Variants in RPS6KA2 observed in about 807,000 individuals in gnomAD.
The protein encoded by RPS6KA2 is ribosomal protein S6 kinase alpha-2.
Under a neutral mutation model 91.8 loss-of-function variants are expected in RPS6KA2, and 42 were observed. That is an observed-to-expected ratio of 0.46 (90% confidence interval 0.36 to 0.59). The LOEUF is 0.59. Among genes scored for constraint, RPS6KA2 ranks in the 20% least tolerant of loss-of-function variants. RPS6KA2 has a pLI of 0.00. For synonymous variants in RPS6KA2, 414 were observed against 393.6 expected, an observed-to-expected ratio of 1.05 and a Z score of -0.61; for missense variants, 798 against 978.5, an observed-to-expected ratio of 0.82 and a Z score of 2.46.
intron 16 of RPS6KA2, among the ~76,000 whole-genome samples, chr6:166,427,686 T>C (rs919802984): frequency 2.0e-5 from 3 of 152,092 alleles, no homozygotes; most frequent in African/African-American, 4.8e-5. Flanking sequence ...AAATCATGAG[T>C]GAACTCCCAT....
intron 2 of RPS6KA2, among the ~76,000 whole-genome samples, chr6:166,754,735 C>T (rs955955144): frequency 5.3e-5 from 8 of 152,160 alleles, no homozygotes; most frequent in Non-Finnish European, 8.8e-5. Context: ...GCATCAGATG[C>T]GGAAAATGAC....
chr6:166,757,624 C>T (rs1157771453), intron 2 of RPS6KA2: 1 of 455,892 alleles, frequency 2.2e-6, no homozygotes, highest in African/African-American at 2.0e-5. Context: ...TGCCGTCCAG[C>T]CATTCTGCCA....
chr6:166,513,638 G>C (rs1292853120), intron 3 of RPS6KA2, among the ~76,000 whole-genome samples: 1 of 152,210 alleles, frequency 6.6e-6, no homozygotes, highest in East Asian at 1.9e-4. Context: ...GTCCTCACTG[G>C]ACACAGGGGC....
Position 166,494,899 on chromosome 6 carries a change from G to A in RPS6KA2, c.747+3609C>T, listed in dbSNP as rs976795071. Among the ~76,000 whole-genome samples, 9 of 152,156 alleles carry A rather than the reference G, an allele frequency of 5.9e-5. No individual in the cohort carries two copies. The highest frequency in any genetic ancestry group is 1.2e-4 in the Non-Finnish European group (8 of 68,034). ...AAACAAGGCCCCTCACACGCACAACGGCTCTGCACCGATCCGCTTACAAGG... is the reference window on the plus strand; with the variant it reads ...AAACAAGGCCCCTCACACGCACAACAGCTCTGCACCGATCCGCTTACAAGG... On this transcript the variant is annotated intron_variant, in intron 8 of 20. Transcript: ENST00000265678. The surrounding 1 kb of genome is among the most constrained non-coding windows in gnomAD (Gnocchi z 5.1).
chr6:166,476,220 G>T (rs985089297), intron 10 of RPS6KA2, among the ~76,000 whole-genome samples: 2 of 152,196 alleles, frequency 1.3e-5, no homozygotes. Flanking sequence ...GGCCAGCAAA[G>T]CCCCGGGGTC....
rs187904332 is a variant in RPS6KA2, at chr6:166,563,784, T to C, written c.100-25000A>G. 6.6e-6 allele frequency among the ~76,000 whole-genome samples: 1 copy of C among 152,366 alleles called. No homozygotes were observed. Among genetic ancestry groups the C allele is most frequent in the East Asian group, 1.9e-4 (1 of 5,184 alleles). Reference sequence around the variant, plus strand: ...CCTTTAGGGTATTGTTTGTAAGATGTATATGATTTTCATATCTATATCAGT... The same window carrying C: ...CCTTTAGGGTATTGTTTGTAAGATGCATATGATTTTCATATCTATATCAGT... On this transcript the variant is annotated intron_variant, in intron 1 of 20. Transcript: ENST00000265678. This position sits in a 1 kb window ranked among gnomAD's most constrained non-coding sequence, Gnocchi z 4.1.
intron 1 of RPS6KA2, among the ~76,000 whole-genome samples, chr6:166,592,611 C>T (rs557859305): frequency 2.2e-4 from 34 of 151,178 alleles, no homozygotes; most frequent in African/African-American, 8.3e-4. Context: ...ATATCAGGCC[C>T]GGATTGATGA....
intron 2 of RPS6KA2, among the ~76,000 whole-genome samples, chr6:166,707,513 T>G (rs1789715799): frequency 6.6e-6 from 1 of 152,176 alleles, no homozygotes; most frequent in Admixed American, 6.5e-5. Context: ...AAATGACTTA[T>G]AAATTAAGGA....
chr6:166,698,164 G>A (rs890090705), intron 2 of RPS6KA2, among the ~76,000 whole-genome samples: 3 of 152,162 alleles, frequency 2.0e-5, no homozygotes, highest in African/African-American at 4.8e-5. Flanking sequence ...TAAAAAATCC[G>A]ACAAGAGAAA....
intron 2 of RPS6KA2, among the ~76,000 whole-genome samples, chr6:166,695,665 AGATTCTCCTAGGAGCACTG>A (rs1256708643): frequency 0.026 from 3,906 of 149,384 alleles, 425 homozygotes; most frequent in Non-Finnish European, 0.029. Flanking sequence ...CAACAGAACT[AGATTCTCCTAGGAGCACTG>A]GATTCTCCTA....
chr6:166,422,088 C>T (rs1778741311), intron 17 of RPS6KA2, among the ~76,000 whole-genome samples: 2 of 152,008 alleles, frequency 1.3e-5, no homozygotes, highest in South Asian at 4.2e-4. Flanking sequence ...TTAGTAGAGA[C>T]GGGGTTTCAC....
intron 3 of RPS6KA2, among the ~76,000 whole-genome samples, chr6:166,526,654 G>A (rs1241183120): frequency 1.3e-5 from 2 of 152,052 alleles, no homozygotes; most frequent in African/African-American, 4.8e-5. Context: ...CAGCCACATG[G>A]CTCATTTTCA....
chr6:166,501,300 A>G (rs578061312), intron 6 of RPS6KA2, among the ~76,000 whole-genome samples: 2 of 152,320 alleles, frequency 1.3e-5, no homozygotes, highest in East Asian at 3.9e-4. Context: ...GGAGACCCAG[A>G]GCCTCGCAGA....
Position 166,490,664 on chromosome 6 carries a change from T to C in RPS6KA2, c.818+7A>G. On this transcript the variant is annotated splice_region_variant and intron_variant, in intron 9 of 20. Coordinates refer to ENST00000265678, the MANE Select transcript of RPS6KA2 (RefSeq NM_021135.6). This position sits in a 1 kb window ranked among gnomAD's most constrained non-coding sequence, Gnocchi z 4.2. ...CAGGTCTCTGGGGTGGCTCCCACAC[T>C]ACTCACTTGAGGATGAGAGCCATGG... The C allele has an allele frequency of 1.2e-6, 2 of 1,605,508 alleles. No individual in the cohort carries two copies. The highest frequency in any genetic ancestry group is 1.7e-6 in the Non-Finnish European group (2 of 1,174,364).
intron 6 of RPS6KA2, among the ~76,000 whole-genome samples, chr6:166,503,023 T>C (rs772857810): frequency 6.6e-6 from 1 of 152,210 alleles, no homozygotes; most frequent in Non-Finnish European, 1.5e-5. Flanking sequence ...ACAAAATTCA[T>C]TTATGTTTCA....
chr6:166,615,327 C>T (rs144138554), intron 1 of RPS6KA2, among the ~76,000 whole-genome samples: 11 of 152,332 alleles, frequency 7.2e-5, no homozygotes, highest in Non-Finnish European at 1.5e-4. Context: ...CTTCCAGCCA[C>T]CGTGGACTCC....
In RPS6KA2 at chr6:166,693,558, C is replaced by T. The variant is rs1193968804; in HGVS notation, c.124-154774G>A. On this transcript the variant is annotated intron_variant, in intron 2 of 21. Transcript: ENST00000503859. Reference sequence around the variant, plus strand: ...CCAAGTCCACTTAGCCAGGATCTCTCGCCTGGTCTGTGGCCAGGGAGATCG... The same window carrying T: ...CCAAGTCCACTTAGCCAGGATCTCTTGCCTGGTCTGTGGCCAGGGAGATCG... Among the ~76,000 whole-genome samples, 6 of 152,152 alleles carry T rather than the reference C, an allele frequency of 3.9e-5. No homozygotes were observed. In the East Asian group the frequency reaches 9.6e-4, roughly 24 times the overall value.
rs114901209 is a variant in RPS6KA2 at position 166,484,440 on chromosome 6, A to G, written c.907+4393T>C. ...GTTCTCCTGCCTTCCTTACGGTGCCATATGTCACGAGTGCCATGAGACAGG... is the reference window on the plus strand; with the variant it reads ...GTTCTCCTGCCTTCCTTACGGTGCCGTATGTCACGAGTGCCATGAGACAGG... On this transcript the variant is annotated intron_variant, in intron 10 of 20. Transcript: ENST00000265678. 7.5e-3 allele frequency among the ~76,000 whole-genome samples: 1,149 copies of G among 152,276 alleles called. 7 individuals are homozygous for G. Among genetic ancestry groups the G allele is most frequent in the African/African-American group, 0.026 (1,077 of 41,550 alleles).
At chr6:166,545,884 C>T (rs1783809750) in intron 1 of RPS6KA2, among the ~76,000 whole-genome samples, 1 of 152,192 alleles carries the variant, frequency 6.6e-6, no homozygotes, top group Non-Finnish European at 1.5e-5. Flanking sequence ...GGGCCTCCTT[C>T]CCACAGAAAA....
Sources: allele counts gnomAD v4.1 joint callset (sites outside exome capture counted in the v4.1 genomes callset), GRCh38; gene constraint gnomAD v4.1.1; non-coding constraint Gnocchi (gnomAD v3.1); transcripts MANE v1.5; gene names NCBI Gene and HGNC (gene_info 2026-07-23, HGNC 2026-07-21).